The following SMC5 variants were observed in gnomAD, a reference collection of about 807,000 sequenced individuals.
SMC5 encodes the protein structural maintenance of chromosomes 5, also known as structural maintenance of chromosomes protein 5.
SMC5 carries 88 observed loss-of-function variants against 148.3 expected under a neutral mutation model. The observed-to-expected ratio is 0.59, with a 90% CI of 0.50 to 0.71. The LOEUF (loss-of-function observed/expected upper bound fraction) is 0.71, where lower values mean the gene tolerates loss of function less well. SMC5 is among the 30% of genes least tolerant of loss of function. The pLI, the probability that SMC5 is intolerant of heterozygous loss-of-function variation, is 0.00. For missense variants in SMC5, 1,142 were observed against 1,298.9 expected (o/e 0.88, Z 1.86); for synonymous variants, 421 against 432.8 (o/e 0.97, Z 0.34).
intron 3 of SMC5, among the ~76,000 whole-genome samples, chr9:70,273,559 A>G (rs899711817): frequency 6.6e-6 from 1 of 152,052 alleles, no homozygotes; most frequent in African/African-American, 2.4e-5. Flanking sequence ...TTATTGCACT[A>G]ATTTTTAGTC....
intron 1 of SMC5, among the ~76,000 whole-genome samples, chr9:70,260,212 C>T (rs1490066717): frequency 3.9e-5 from 6 of 152,198 alleles, no homozygotes; most frequent in Admixed American, 3.3e-4. Context: ...TCAATCAATT[C>T]TCCTGCCTCA....
At chr9:70,267,314 A>C (rs982174575) in intron 2 of SMC5, among the ~76,000 whole-genome samples, 1 of 152,244 alleles carries the variant, frequency 6.6e-6, no homozygotes, top group African/African-American at 2.4e-5. Context: ...TTTTAGGCTC[A>C]GACTTTGTTT....
Position 70,282,625 on chromosome 9 carries a change from T to G in SMC5, c.981+42T>G, listed in dbSNP as rs138913426. 1,148 of 1,509,492 alleles carry G rather than the reference T, an allele frequency of 7.6e-4. 10 individuals carry two copies. In the African/African-American group the frequency reaches 0.014, roughly 18 times the overall value. The allele number at this position is 1,509,492 out of a possible 1,614,324, so 93.5% of individuals were successfully genotyped here. A position where few individuals can be genotyped will look rare whatever the true frequency, so the allele number is the denominator to read the frequency against. On this transcript the variant is annotated intron_variant, in intron 7 of 24. Transcript: ENST00000361138. ...ATTTTGGATTATCTGAATTTTATTT[T>G]AGCAAATATAAAAAATATTTTGCAG...
At chr9:70,290,074 G>A (rs2035018000) in intron 8 of SMC5, among the ~76,000 whole-genome samples, 1 of 151,990 alleles carries the variant, frequency 6.6e-6, no homozygotes, top group East Asian at 1.9e-4. Context: ...ATATTCAAAG[G>A]TCTTAAAAAA....
intron 22 of SMC5, among the ~76,000 whole-genome samples, chr9:70,349,065 A>G (rs896895682): frequency 7.2e-5 from 11 of 152,192 alleles, no homozygotes; most frequent in African/African-American, 2.7e-4. Context: ...AGTAAGTTTC[A>G]TGTTTTTCGT....
chr9:70,341,453 C>G (rs908443277), intron 17 of SMC5, among the ~76,000 whole-genome samples: 2 of 152,136 alleles, frequency 1.3e-5, no homozygotes, highest in Admixed American at 1.3e-4. Context: ...TACAATGGTC[C>G]TTAGCAGAGT....
rs1223879367 is a variant in SMC5 at position 70,286,272 on chromosome 9, G to A, written c.1053+1G>A. On this transcript the variant is annotated splice_donor_variant, in intron 8 of 24. Coordinates refer to ENST00000361138, the MANE Select transcript of SMC5 (RefSeq NM_015110.4). LOFTEE classifies it high-confidence loss of function. ...TGTTATAGAAAGGAAAGATAAACATGTAAGGTTTCATACTAAAATTTTTAT... is the reference window on the plus strand; with the variant it reads ...TGTTATAGAAAGGAAAGATAAACATATAAGGTTTCATACTAAAATTTTTAT... 2 of 1,576,424 alleles carry A rather than the reference G, an allele frequency of 1.3e-6. No individual in the cohort carries two copies. The highest frequency in any genetic ancestry group is 1.7e-6 in the Non-Finnish European group (2 of 1,153,724).
In SMC5 at chr9:70,300,046, G is replaced by T; in HGVS notation, c.1310G>T (p.Ser437Ile). 1 of 1,560,796 alleles carries T rather than the reference G, an allele frequency of 6.4e-7. No individual in the cohort carries two copies. Among genetic ancestry groups the T allele is most frequent in the Non-Finnish European group, 8.6e-7 (1 of 1,163,046 alleles). ...ERETLEKEKK[S>I]VDDHIVRFDN... ...ACTTTGTTTTGTTTTACAATTTTAG[G>T]TGTGGACGATCATATTGTACGTTTT... Residue 437 changes from serine to isoleucine, a missense_variant and splice_region_variant, in exon 10 of 25, where the codon AGT becomes ATT. By Grantham distance (142) the Ser-to-Ile change is moderately radical. Around this residue, in one of 5 missense-constraint regions of SMC5, gnomAD observed 743 missense variants for 835.7 expected, o/e 0.89. Coordinates refer to ENST00000361138, the MANE Select transcript of SMC5 (RefSeq NM_015110.4).
At chr9:70,309,980 G>T (rs2035616320) in intron 11 of SMC5, among the ~76,000 whole-genome samples, 1 of 152,172 alleles carries the variant, frequency 6.6e-6, no homozygotes, top group Admixed American at 6.5e-5. Flanking sequence ...CTGAGTAGCT[G>T]GGATTACAGG....
Position 70,322,847 on chromosome 9 carries a change from A to C in SMC5, c.2151-636A>C, listed in dbSNP as rs928107624. On this transcript the variant is annotated intron_variant, in intron 15 of 24. Coordinates refer to ENST00000361138, the MANE Select transcript of SMC5 (RefSeq NM_015110.4). ...AAGACTCCTATCTCAAACAAACAAA[A>C]AAAAATTATGGCTTTCTACAGTTGC... Among the ~76,000 whole-genome samples, 6 of 152,294 alleles carry C rather than the reference A, an allele frequency of 3.9e-5. No homozygotes were observed. In the South Asian group the frequency reaches 6.2e-4, roughly 16 times the overall value.
intron 8 of SMC5, among the ~76,000 whole-genome samples, chr9:70,291,878 A>C (rs1322883168): frequency 1.3e-5 from 2 of 152,110 alleles, no homozygotes; most frequent in African/African-American, 4.8e-5. Flanking sequence ...AAGAGCTCCA[A>C]ACCTGTTCAT....
intron 2 of SMC5, among the ~76,000 whole-genome samples, chr9:70,266,677 T>C (rs1388348557): frequency 6.6e-6 from 1 of 152,208 alleles, no homozygotes; most frequent in Non-Finnish European, 1.5e-5. Context: ...GATGTATTTA[T>C]GGGATGCCCA....
chr9:70,310,668 C>G (rs1209923797), intron 11 of SMC5, among the ~76,000 whole-genome samples: 1 of 152,148 alleles, frequency 6.6e-6, no homozygotes, highest in African/African-American at 2.4e-5. Context: ...TCATTGATTT[C>G]TTTTCTCTAG....
chr9:70,284,890 A>AT lies in SMC5; in HGVS notation c.982-1298dup, dbSNP rs530460590. ...CAGAAAACTTTTTCCAATACTTGTA[A>AT]TTTTTTTTTTTTAATTCCAGGCAGG... On this transcript the variant is annotated intron_variant, in intron 7 of 24. Transcript: ENST00000361138. 8.5e-3 allele frequency among the ~76,000 whole-genome samples: 1,254 copies of AT among 148,040 alleles called. 3 individuals carry two copies. Among genetic ancestry groups the AT allele is most frequent in the Non-Finnish European group, 0.014 (926 of 66,686 alleles).
In SMC5 at chr9:70,297,434, T is replaced by C. The variant is rs1390894951; in HGVS notation, c.1054-532T>C. Among the ~76,000 whole-genome samples the C allele has an allele frequency of 3.3e-5, 5 of 152,188 alleles. No individual in the cohort carries two copies. In the East Asian group the frequency reaches 9.6e-4, roughly 29 times the overall value. The stretch of plus-strand genomic sequence containing the variant: ...ACAGTAAAAACTGACATACAACTAA[T>C]ATAGTGCAAAAATAATGTGTTCTGG... On this transcript the variant is annotated intron_variant, in intron 8 of 24. Transcript: ENST00000361138.
chr9:70,300,074 C>A lies in SMC5; in HGVS notation c.1338C>A (p.Asp446Glu). ...TGGACGATCATATTGTACGTTTTGACAATCTTATGAATCAGAAGGAAGATA... is the reference window on the plus strand; with the variant it reads ...TGGACGATCATATTGTACGTTTTGAAAATCTTATGAATCAGAAGGAAGATA... ...KSVDDHIVRFDNLMNQKEDKL... is the reference protein window; with the variant it reads ...KSVDDHIVRFENLMNQKEDKL... The change falls in exon 10 of 25, where the codon GAC (aspartate) becomes GAA (glutamate). Residue 446 changes from aspartate to glutamate, a missense_variant. Asp to Glu is a conservative substitution (Grantham distance 45). Coordinates refer to ENST00000361138, the MANE Select transcript of SMC5 (RefSeq NM_015110.4). 1 of 1,588,138 alleles carries A rather than the reference C, an allele frequency of 6.3e-7. No individual in the cohort carries two copies.
chr9:70,295,587 C>T (rs1419021426), intron 8 of SMC5, among the ~76,000 whole-genome samples: 1 of 151,994 alleles, frequency 6.6e-6, no homozygotes, highest in Admixed American at 6.6e-5. Flanking sequence ...CTTACTGTAC[C>T]TGAGCTAAAC....
chr9:70,311,170 C>T (rs2035646551), intron 11 of SMC5: 1 of 152,214 alleles, frequency 6.6e-6, no homozygotes, highest in South Asian at 2.1e-4. Context: ...ATGCCTTCCT[C>T]ACTAAGCTTT....
chr9:70,322,336 C>T (rs1189832057), intron 15 of SMC5, among the ~76,000 whole-genome samples: 1 of 152,190 alleles, frequency 6.6e-6, no homozygotes, highest in Admixed American at 6.5e-5. Context: ...TAAACTTTCT[C>T]CTCGTAAAGT....
Sources: gnomAD v4.1 joint callset for allele counts (sites outside exome capture counted in the v4.1 genomes callset) on GRCh38, gnomAD v4.1.1 for gene constraint, gnomAD v4.1.1 regional missense constraint, MANE v1.5 for transcripts, NCBI Gene and HGNC (gene_info 2026-07-23, HGNC 2026-07-21) for gene names.